Variants in TTC39B observed in about 807,000 individuals in gnomAD.
The protein encoded by TTC39B is tetratricopeptide repeat protein 39B.
Under a neutral mutation model 96.6 loss-of-function variants are expected in TTC39B, and 92 were observed. That is an observed-to-expected ratio of 0.95 (90% confidence interval 0.80 to 1.13). The LOEUF is 1.13. TTC39B is among the 50% of genes most tolerant of loss of function. The pLI, the probability that TTC39B is intolerant of heterozygous loss-of-function variation, is 0.00. For synonymous variants in TTC39B, 367 were observed against 299.4 expected (o/e 1.23, Z -2.33); for missense variants, 955 against 809.3 (o/e 1.18, Z -2.18).
chr9:15,229,009 T>C (rs1821280957), intron 2 of TTC39B, among the ~76,000 whole-genome samples: 1 of 152,228 alleles, frequency 6.6e-6, no homozygotes, highest in Non-Finnish European at 1.5e-5. Flanking sequence ...AATATCACAA[T>C]AAGCATATCA....
rs1047502657 is a variant in TTC39B, at chr9:15,294,462, A to C, written c.240+12622T>G. Among the ~76,000 whole-genome samples the C allele has an allele frequency of 2.0e-5, 3 of 152,352 alleles. No homozygotes were observed. The South Asian group carries it at 6.2e-4, about 32-fold the overall frequency. On this transcript the variant is annotated intron_variant, in intron 1 of 19. Transcript: ENST00000512701. The stretch of plus-strand genomic sequence containing the variant: ...ATGTTTGGAGAAAACAAAGGTTACA[A>C]CACCATTTATGTGTCAGCGACCAAA...
intron 2 of TTC39B, among the ~76,000 whole-genome samples, chr9:15,229,970 G>C (rs770196800): frequency 2.6e-5 from 4 of 152,188 alleles, no homozygotes; most frequent in South Asian, 2.1e-4. Context: ...AATCTACAGA[G>C]AATTGTTGTC....
chr9:15,233,209 G>A (rs1821528431), intron 2 of TTC39B, among the ~76,000 whole-genome samples: 1 of 152,184 alleles, frequency 6.6e-6, no homozygotes, highest in South Asian at 2.1e-4. Context: ...CTCCGTGAGA[G>A]AAAACTGGTT....
At chr9:15,199,992 G>A in intron 7 of TTC39B, 67 bp from the exon 8 acceptor site, 1 of 851,104 alleles carries the variant, frequency 1.2e-6, no homozygotes, top group Middle Eastern at 2.4e-4. Flanking sequence ...CCACAGTTGT[G>A]TGTTTGTGTG....
chr9:15,265,880 A>G (rs897999634), intron 2 of TTC39B, among the ~76,000 whole-genome samples: 4 of 152,194 alleles, frequency 2.6e-5, no homozygotes, highest in African/African-American at 7.2e-5. Flanking sequence ...ATTCTACAAA[A>G]TAACTGACAG....
At chr9:15,194,624 C>T (rs1055821660) in intron 8 of TTC39B, among the ~76,000 whole-genome samples, 3 of 152,176 alleles carry the variant, frequency 2.0e-5, no homozygotes, top group Admixed American at 6.5e-5. Flanking sequence ...GCAAGTCTAT[C>T]GATGCCATTT....
chr9:15,203,520 C>A (rs531806407), intron 7 of TTC39B, among the ~76,000 whole-genome samples: 63 of 152,100 alleles, frequency 4.1e-4, no homozygotes, highest in African/African-American at 1.5e-3. Context: ...CTCAGCCTCC[C>A]AAACTGCTAG....
intron 8 of TTC39B, among the ~76,000 whole-genome samples, chr9:15,195,008 A>C (rs1340735044): frequency 6.6e-6 from 1 of 152,232 alleles, no homozygotes; most frequent in East Asian, 1.9e-4. Context: ...AAAAACTAGA[A>C]ATAATTAAGC....
intron 3 of TTC39B, among the ~76,000 whole-genome samples, 153 bp from the exon 4 acceptor site, chr9:15,214,402 G>C (rs910146578): frequency 3.3e-5 from 5 of 151,346 alleles, no homozygotes; most frequent in Admixed American, 1.3e-4. Flanking sequence ...GACAGGACAG[G>C]CTGGTTATAC....
chr9:15,247,256 G>A (rs977074921), intron 2 of TTC39B, among the ~76,000 whole-genome samples: 3 of 152,180 alleles, frequency 2.0e-5, no homozygotes, highest in African/African-American at 7.2e-5. Context: ...AAAAACACTA[G>A]AGTGGTTTTA....
intron 2 of TTC39B, among the ~76,000 whole-genome samples, chr9:15,243,542 G>A (rs747999398): frequency 2.0e-5 from 3 of 152,160 alleles, no homozygotes; most frequent in Non-Finnish European, 2.9e-5. Context: ...AAGCACTTTC[G>A]TAAGAACCAA....
chr9:15,304,846 G>A (rs538846134), intron 1 of TTC39B, among the ~76,000 whole-genome samples: 3 of 152,246 alleles, frequency 2.0e-5, no homozygotes, highest in Admixed American at 6.5e-5. Context: ...TGTACCTCCA[G>A]GCTAGTACAG....
rs567219848 is a variant in TTC39B at position 15,208,910 on chromosome 9, A to T, written c.691+1178T>A. ...CTAACAAAATAAACAAAACTTCCTA[A>T]TAAAACACACTCAAAAATATGTCTG... On this transcript the variant is annotated intron_variant, in intron 6 of 19. Coordinates refer to ENST00000512701, the Ensembl canonical transcript of TTC39B. Among the ~76,000 whole-genome samples, 3 of 152,342 alleles carry T rather than the reference A, an allele frequency of 2.0e-5. No homozygotes were observed. The East Asian group carries it at 5.8e-4, about 29-fold the overall frequency.
At chr9:15,192,495 A>G (rs1473166482) in intron 9 of TTC39B, 95 bp downstream of exon 9, 3 of 918,990 alleles carry the variant, frequency 3.3e-6, no homozygotes, top group Admixed American at 2.2e-5. Flanking sequence ...AACCCAAGGA[A>G]AGGTTCAGGA....
intron 1 of TTC39B, among the ~76,000 whole-genome samples, chr9:15,298,117 G>A (rs991435220): frequency 6.6e-6 from 1 of 152,130 alleles, no homozygotes; most frequent in African/African-American, 2.4e-5. Flanking sequence ...TCTGGAGCTG[G>A]GAAGTCCTTT....
chr9:15,228,548 T>C (rs1443153865), intron 2 of TTC39B, among the ~76,000 whole-genome samples: 1 of 152,170 alleles, frequency 6.6e-6, no homozygotes, highest in Admixed American at 6.5e-5. Flanking sequence ...CAACTCACCG[T>C]AAACAGTAAA....
intron 1 of TTC39B, among the ~76,000 whole-genome samples, chr9:15,299,974 C>CAA (rs5896670): frequency 0.15 from 23,482 of 152,056 alleles, 3,229 homozygotes; most frequent in African/African-American, 0.37. Flanking sequence ...AACAGGGTTT[C>CAA]AAGAGACTCA....
chr9:15,289,825 T>C (rs745832138), intron 1 of TTC39B, among the ~76,000 whole-genome samples: 1 of 152,170 alleles, frequency 6.6e-6, no homozygotes, highest in Non-Finnish European at 1.5e-5. Context: ...AAGGAATGAA[T>C]AGAAAATCAG....
At chr9:15,214,413 A>T (rs867071724) in intron 3 of TTC39B, among the ~76,000 whole-genome samples, 164 bp from the exon 4 acceptor site, 3 of 151,888 alleles carry the variant, frequency 2.0e-5, no homozygotes, top group South Asian at 4.2e-4. Context: ...CTGGTTATAC[A>T]TAGGAAAAAA....
Sources: gnomAD v4.1 joint callset for allele counts (sites outside exome capture counted in the v4.1 genomes callset) on GRCh38, gnomAD v4.1.1 for gene constraint, MANE v1.5 for transcripts, NCBI Gene and HGNC (gene_info 2026-07-23, HGNC 2026-07-21) for gene names.